The following AMBRA1 variants were observed in gnomAD, a reference collection of about 807,000 sequenced individuals.
AMBRA1 encodes the protein autophagy and beclin 1 regulator 1.
In AMBRA1, 47 loss-of-function variants were observed where a neutral mutation model predicts 125.4. The ratio of observed to expected loss-of-function variants is 0.37; its 90% CI spans 0.30 to 0.48. AMBRA1 has a LOEUF of 0.48. Among genes scored for constraint, AMBRA1 ranks in the 20% least tolerant of loss-of-function variants. AMBRA1 has a pLI of 0.99. For missense variants in AMBRA1, 1,331 were observed against 1,693.4 expected (o/e 0.79, Z 3.76); for synonymous variants, 626 against 655.5 (o/e 0.95, Z 0.69).
At chr11:46,562,942 A>C (rs1301154877) in intron 1 of AMBRA1, among the ~76,000 whole-genome samples, 1 of 152,024 alleles carries the variant, frequency 6.6e-6, no homozygotes, top group Non-Finnish European at 1.5e-5. Flanking sequence ...CTGGGATTAC[A>C]GGCACATGCC....
At chr11:46,417,481 T>C (rs891677516) in intron 15 of AMBRA1, among the ~76,000 whole-genome samples, 4 of 152,202 alleles carry the variant, frequency 2.6e-5, no homozygotes, top group Non-Finnish European at 5.9e-5. Flanking sequence ...GCTTAACAAA[T>C]TAGGGTTTCA....
Position 46,552,230 on chromosome 11 carries a change from G to A in AMBRA1, c.-120-3730C>T, listed in dbSNP as rs928559912. Among the ~76,000 whole-genome samples, 184 of 149,360 alleles carry A rather than the reference G, an allele frequency of 1.2e-3. 1 individual carries two copies. Among genetic ancestry groups the A allele is most frequent in the Admixed American group, 5.4e-4 (8 of 14,924 alleles). On this transcript the variant is annotated intron_variant, in intron 1 of 17. Coordinates refer to ENST00000683756, the MANE Select transcript of AMBRA1 (RefSeq NM_001387011.1). ...CTGAAAATACAAAAATTAGCCGGGC[G>A]TGGTGGTGCACACCTGTAATCCCAG...
intron 1 of AMBRA1, among the ~76,000 whole-genome samples, chr11:46,564,196 C>A (rs1591134682): frequency 7.6e-5 from 8 of 104,710 alleles, no homozygotes; most frequent in Non-Finnish European, 1.0e-4. Context: ...TTCTTAAGTA[C>A]ATGGCAGAAA....
In AMBRA1 at chr11:46,475,868, G is replaced by A. The variant is rs141552383; in HGVS notation, c.2521+17740C>T. Among the ~76,000 whole-genome samples, 611 of 152,306 alleles carry A rather than the reference G, an allele frequency of 4.0e-3. 4 individuals carry two copies. The highest frequency in any genetic ancestry group is 0.014 in the African/African-American group (580 of 41,554). On this transcript the variant is annotated intron_variant, in intron 11 of 17. Coordinates refer to ENST00000683756, the MANE Select transcript of AMBRA1 (RefSeq NM_001387011.1). ...ACAAGAAAGAAGGCAAAGAAAGCAG[G>A]CAGCTTCAAATAAAGGATATACTAA...
chr11:46,518,277 A>G, intron 7 of AMBRA1: 1 of 191,210 alleles, frequency 5.2e-6, no homozygotes, highest in Non-Finnish European at 1.1e-5. Flanking sequence ...TAAAAATGCA[A>G]AAATTAGCCG....
At chr11:46,581,548 G>A (rs991288778) in intron 1 of AMBRA1, among the ~76,000 whole-genome samples, 1 of 152,058 alleles carries the variant, frequency 6.6e-6, no homozygotes, top group Non-Finnish European at 1.5e-5. Context: ...AGAGCTTGCA[G>A]CAAGCCGAGA....
In AMBRA1 at chr11:46,545,965, C is replaced by CA. The variant is rs954828755; in HGVS notation, c.379-190dup. On this transcript the variant is annotated intron_variant, in intron 4 of 17. Coordinates refer to ENST00000683756, the MANE Select transcript of AMBRA1 (RefSeq NM_001387011.1). Reference sequence around the variant, plus strand: ...ACTAATTTATCAGATAAATACTATACAATCAGTTCAGTTCTTCAAATTAGT... The same window carrying CA: ...ACTAATTTATCAGATAAATACTATACAAATCAGTTCAGTTCTTCAAATTAGT... The CA allele has an allele frequency of 9.0e-6, 5 of 552,646 alleles. No individual in the cohort carries two copies. The African/African-American group carries it at 9.6e-5, about 11-fold the overall frequency. The allele number at this position is 552,646 out of a possible 1,614,324, so 34.2% of individuals were successfully genotyped here. A position where few individuals can be genotyped will look rare whatever the true frequency, so the allele number is the denominator to read the frequency against.
chr11:46,408,779 G>T, intron 16 of AMBRA1, 73 bp from the exon 17 acceptor site: 1 of 1,407,668 alleles, frequency 7.1e-7, no homozygotes. Flanking sequence ...TGCTGGCTCT[G>T]TGCCAATCCT....
rs535907295 is a variant in AMBRA1, at chr11:46,493,044, G to T, written c.2521+564C>A. ...AGCCTGGGTGACAGGGCGAGACTCTGTCTCAAAAATAAATAAGTAAATAAA... is the reference window on the plus strand; with the variant it reads ...AGCCTGGGTGACAGGGCGAGACTCTTTCTCAAAAATAAATAAGTAAATAAA... On this transcript the variant is annotated intron_variant, in intron 11 of 17. Coordinates refer to ENST00000683756, the MANE Select transcript of AMBRA1 (RefSeq NM_001387011.1). Among the ~76,000 whole-genome samples the T allele has an allele frequency of 2.6e-5, 4 of 152,306 alleles. No individual in the cohort carries two copies. In the East Asian group the frequency reaches 7.7e-4, roughly 29 times the overall value.
intron 7 of AMBRA1, among the ~76,000 whole-genome samples, chr11:46,525,516 A>C (rs1951929861): frequency 6.6e-6 from 1 of 152,064 alleles, no homozygotes; most frequent in African/African-American, 2.4e-5. Context: ...AGGCCAAGGC[A>C]GGTAGATCAA....
chr11:46,419,526 G>A (rs572861517), intron 14 of AMBRA1, among the ~76,000 whole-genome samples: 1 of 152,272 alleles, frequency 6.6e-6, no homozygotes, highest in Admixed American at 6.5e-5. Context: ...ATTGCAACCA[G>A]GAACCTGTAT....
chr11:46,547,004 G>C, intron 4 of AMBRA1, 109 bp downstream of exon 4: 1 of 1,009,124 alleles, frequency 9.9e-7, no homozygotes, highest in South Asian at 1.7e-5. Flanking sequence ...CTGGGAGACG[G>C]AGGTTGCAGC....
chr11:46,431,625 A>G (rs1947459759), intron 14 of AMBRA1, among the ~76,000 whole-genome samples: 1 of 152,250 alleles, frequency 6.6e-6, no homozygotes. Flanking sequence ...AGAGCTACCA[A>G]CATCAGATTC....
intron 1 of AMBRA1, among the ~76,000 whole-genome samples, chr11:46,573,010 C>T (rs2043819619): frequency 2.0e-5 from 3 of 148,878 alleles, no homozygotes; most frequent in Admixed American, 1.3e-4. Context: ...CTGAGGCAGG[C>T]GAATCGCTTG....
chr11:46,542,484 G>A lies in AMBRA1; in HGVS notation c.1533C>T (p.Asp511=). Residue 511 remains aspartate, a synonymous_variant, in exon 7 of 18, where the codon GAC becomes GAT. Coordinates refer to ENST00000683756, the MANE Select transcript of AMBRA1 (RefSeq NM_001387011.1). This position sits in a 1 kb window ranked among gnomAD's most constrained non-coding sequence, Gnocchi z 5.9. ...CDLRRFFLEY[D]RLQELDQSLS... ...GGCTCTGATCCAGCTCCTGAAGCCG[G>A]TCATACTCCAGAAAGAAGCGTCTCA... 6.2e-7 allele frequency: 1 copy of A among 1,613,784 alleles called. No individual in the cohort carries two copies. Among genetic ancestry groups the A allele is most frequent in the Non-Finnish European group, 8.5e-7 (1 of 1,180,028 alleles).
chr11:46,451,080 A>C (rs1400219753), intron 11 of AMBRA1, among the ~76,000 whole-genome samples: 1 of 152,266 alleles, frequency 6.6e-6, no homozygotes, highest in African/African-American at 2.4e-5. Context: ...GCAGCTGTTC[A>C]TAAGGACAAT....
At chr11:46,583,650 TCCAAAA>T (rs1487335064) in intron 1 of AMBRA1, among the ~76,000 whole-genome samples, 2 of 18,088 alleles carry the variant, frequency 1.1e-4, no homozygotes, top group Non-Finnish European at 5.0e-4. Flanking sequence ...CAAACAAATT[TCCAAAA>T]AAAAAAAAAA....
At chr11:46,475,447 TGTATTA>T (rs1949778106) in intron 11 of AMBRA1, among the ~76,000 whole-genome samples, 1 of 152,208 alleles carries the variant, frequency 6.6e-6, no homozygotes, top group Non-Finnish European at 1.5e-5. Context: ...TAATTCCACA[TGTATTA>T]GTTTGCTGTA....
At chr11:46,508,448 C>G (rs1951142549) in intron 8 of AMBRA1, 78 bp from the exon 9 acceptor site, 1 of 1,406,462 alleles carries the variant, frequency 7.1e-7, no homozygotes, top group African/African-American at 1.4e-5. Flanking sequence ...ATCCAGCTCT[C>G]CCATGGCATC....
Sources: allele counts gnomAD v4.1 joint callset (sites outside exome capture counted in the v4.1 genomes callset), GRCh38; gene constraint gnomAD v4.1.1; non-coding constraint Gnocchi (gnomAD v3.1); transcripts MANE v1.5; gene names NCBI Gene and HGNC (gene_info 2026-07-23, HGNC 2026-07-21).